The following FLI1 variants were observed in gnomAD, a reference collection of about 807,000 sequenced individuals.
The protein encoded by FLI1 is Fli-1 proto-oncogene, ETS transcription factor, also known as Friend leukemia integration 1 transcription factor.
A neutral mutation model predicts 53.1 loss-of-function variants in FLI1; 13 were observed. That is an observed-to-expected ratio of 0.24 (90% CI 0.16 to 0.39). The LOEUF (loss-of-function observed/expected upper bound fraction) is 0.39, where lower values mean the gene tolerates loss of function less well. FLI1 is among the 10% of genes least tolerant of loss of function. The probability of loss-of-function intolerance (pLI) is 1.00; values close to 1 mark genes in which losing one functional copy is unlikely to be tolerated. For missense variants in FLI1, 424 were observed against 600.5 expected (o/e 0.71, Z 3.07); for synonymous variants, 244 against 236.7 (o/e 1.03, Z -0.28).
chr11:128,759,397 C>T (rs144402734), intron 2 of FLI1, among the ~76,000 whole-genome samples: 86 of 152,304 alleles, frequency 5.6e-4, no homozygotes, highest in Middle Eastern at 6.8e-3. Context: ...TTAAGACTAG[C>T]GAGCTGACAG....
intron 2 of FLI1, among the ~76,000 whole-genome samples, chr11:128,761,255 C>T (rs1941109672): frequency 6.6e-6 from 1 of 152,170 alleles, no homozygotes; most frequent in African/African-American, 2.4e-5. Context: ...TCATATGACT[C>T]TCTCCCTCAC....
At chr11:128,754,516 C>G (rs1940788091) in intron 1 of FLI1, among the ~76,000 whole-genome samples, 1 of 152,160 alleles carries the variant, frequency 6.6e-6, no homozygotes, top group Non-Finnish European at 1.5e-5. Flanking sequence ...TCTAGTGGAG[C>G]AGTGAGAATA....
At chr11:128,765,931 T>C (rs1941323754) in intron 2 of FLI1, among the ~76,000 whole-genome samples, 1 of 152,218 alleles carries the variant, frequency 6.6e-6, no homozygotes, top group Non-Finnish European at 1.5e-5. Context: ...GAAGTATGTG[T>C]GTTCCATGTT....
intron 1 of FLI1, chr11:128,696,021 C>T (rs1406899648): frequency 6.6e-6 from 1 of 152,230 alleles, no homozygotes; most frequent in Non-Finnish European, 1.5e-5. Flanking sequence ...AAACTCTACG[C>T]ACAGGCCCTG....
chr11:128,783,801 T>G lies in FLI1; in HGVS notation c.655+1778T>G, dbSNP rs1435123061. Among the ~76,000 whole-genome samples the G allele has an allele frequency of 2.6e-5, 4 of 152,184 alleles. No individual in the cohort carries two copies. The East Asian group carries it at 7.7e-4, about 29-fold the overall frequency. The stretch of plus-strand genomic sequence containing the variant: ...AAGGAGATGACAGGAGCACTCACAT[T>G]GCGAGGGCTCAAGAGCCACTGTCCT... On this transcript the variant is annotated intron_variant, in intron 5 of 8. Coordinates refer to ENST00000527786, the MANE Select transcript of FLI1 (RefSeq NM_002017.5).
At chr11:128,743,993 T>A (rs607193) in intron 1 of FLI1, among the ~76,000 whole-genome samples, 1 of 152,076 alleles carries the variant, frequency 6.6e-6, no homozygotes, top group Admixed American at 6.5e-5. Context: ...TAGCTGCCAA[T>A]GGAGGGACCA....
At chr11:128,694,975 C>A (rs1437909499) in intron 1 of FLI1, among the ~76,000 whole-genome samples, 1 of 152,116 alleles carries the variant, frequency 6.6e-6, no homozygotes, top group Admixed American at 6.5e-5. Flanking sequence ...CCTTCCCCAG[C>A]CCCCGTCCGC....
At chr11:128,721,335 G>A (rs1939241929) in intron 1 of FLI1, among the ~76,000 whole-genome samples, 1 of 152,174 alleles carries the variant, frequency 6.6e-6, no homozygotes, top group Admixed American at 6.5e-5. Flanking sequence ...GAAGAATGGA[G>A]GCGAAGACAG....
At chr11:128,758,368 A>AG (rs1460111689) in intron 2 of FLI1, 42 bp downstream of exon 2, 6 of 1,553,888 alleles carry the variant, frequency 3.9e-6, no homozygotes. Flanking sequence ...GAAGGCACAA[A>AG]GTCGCCAGAT....
intron 1 of FLI1, among the ~76,000 whole-genome samples, chr11:128,713,320 T>C (rs981940013): frequency 1.3e-5 from 2 of 152,246 alleles, no homozygotes; most frequent in East Asian, 1.9e-4. Flanking sequence ...CTGCAGCTCA[T>C]GCATTTTCAG....
chr11:128,783,873 T>G (rs1228129776), intron 5 of FLI1, among the ~76,000 whole-genome samples: 2 of 151,026 alleles, frequency 1.3e-5, no homozygotes, highest in African/African-American at 4.9e-5. Context: ...TGGATAGGGA[T>G]CCACTTTTTG....
intron 5 of FLI1, among the ~76,000 whole-genome samples, chr11:128,789,395 T>G (rs1173865280): frequency 6.6e-6 from 1 of 152,098 alleles, no homozygotes; most frequent in East Asian, 1.9e-4. Flanking sequence ...TCAAAATCAT[T>G]TGGCCGGGGA....
chr11:128,698,733 TGA>T (rs1555106992), intron 1 of FLI1, among the ~76,000 whole-genome samples: 3,147 of 133,752 alleles, frequency 0.024, 45 homozygotes, highest in Middle Eastern at 0.065. Context: ...TGTGTGTGTG[TGA>T]GAGAGAGAGA....
chr11:128,747,759 C>T (rs1238066996), intron 1 of FLI1, among the ~76,000 whole-genome samples: 2 of 152,182 alleles, frequency 1.3e-5, no homozygotes. Context: ...TTTTGTGGTT[C>T]CCACTGCCAT....
chr11:128,764,909 C>G, intron 2 of FLI1: 1 of 1,406,948 alleles, frequency 7.1e-7, no homozygotes, highest in Non-Finnish European at 9.7e-7. Context: ...CAGCCCTTCT[C>G]CCTAAGGACA....
rs1408952807 is a variant in FLI1, at chr11:128,810,794, C to A, written c.1165C>A (p.Pro389Thr). The stretch of plus-strand genomic sequence containing the variant: ...GTACCCTTCTGACATCTCCTACATG[C>A]CTTCCTACCATGCCCACCAGCAGAA... The part of the protein sequence containing the change: ...YKYPSDISYM[P>T]SYHAHQQKVN... Residue 389 changes from proline (P) to threonine (T), a missense_variant, in exon 9 of 9, where the codon CCT becomes ACT. Transcript: ENST00000527786. The surrounding 1 kb of genome is among the most constrained non-coding windows in gnomAD (Gnocchi z 6.6). The A allele has an allele frequency of 6.2e-7, 1 of 1,613,946 alleles. No homozygotes were observed. Among genetic ancestry groups the A allele is most frequent in the Non-Finnish European group, 8.5e-7 (1 of 1,179,900 alleles).
upstream of FLI1, among the ~76,000 whole-genome samples, chr11:128,690,870 C>A (rs756908568): frequency 6.6e-6 from 1 of 152,154 alleles, no homozygotes; most frequent in East Asian, 1.9e-4. Flanking sequence ...AGTGAGCTGT[C>A]GCCGATGGCA....
At position 128,810,732 on chromosome 11, in the gene FLI1, C is replaced by T; in HGVS notation, c.1103C>T (p.Ala368Val). ...TTTGACTTCCACGGCATTGCCCAGG[C>T]TCTGCAGCCACATCCGACCGAGTCG... ...YKFDFHGIAQ[A>V]LQPHPTESSM... The change falls in exon 9 of 9, where the codon GCT becomes GTT. Residue 368 changes from alanine to valine, a missense_variant. Ala to Val is a moderately conservative substitution (Grantham distance 64). Transcript: ENST00000527786. The surrounding 1 kb of genome is among the most constrained non-coding windows in gnomAD (Gnocchi z 6.6). 6.2e-7 allele frequency: 1 copy of T among 1,614,090 alleles called. No individual in the cohort carries two copies.
intron 1 of FLI1, among the ~76,000 whole-genome samples, chr11:128,749,406 G>A (rs183652585): frequency 1.9e-4 from 29 of 152,228 alleles, no homozygotes; most frequent in South Asian, 4.2e-4. Flanking sequence ...CTGTGGCCTC[G>A]GTTCCTCTCC....
Sources: allele counts gnomAD v4.1 joint callset (sites outside exome capture counted in the v4.1 genomes callset), GRCh38; gene constraint gnomAD v4.1.1; non-coding constraint Gnocchi (gnomAD v3.1); transcripts MANE v1.5; gene names NCBI Gene and HGNC (gene_info 2026-07-23, HGNC 2026-07-21).